The following ERC2 variants were observed in gnomAD, a reference collection of about 807,000 sequenced individuals.
The protein encoded by ERC2 is ERC protein 2.
ERC2 carries 42 observed loss-of-function variants against 114.8 expected under a neutral mutation model. That is an observed-to-expected ratio of 0.37 (90% CI 0.29 to 0.47). The LOEUF (loss-of-function observed/expected upper bound fraction) is 0.47, where lower values mean the gene tolerates loss of function less well. Among genes scored for constraint, ERC2 ranks in the 20% least tolerant of loss-of-function variants. ERC2 has a pLI of 0.99. For synonymous variants in ERC2, 454 were observed against 425.5 expected, an observed-to-expected ratio of 1.07 and a Z score of -0.82; for missense variants, 939 against 1,150.7, an observed-to-expected ratio of 0.82 and a Z score of 2.66.
intron 14 of ERC2, among the ~76,000 whole-genome samples, chr3:55,828,152 C>T (rs1320997253): frequency 6.6e-6 from 1 of 152,224 alleles, no homozygotes; most frequent in East Asian, 1.9e-4. Flanking sequence ...TGCACAATGG[C>T]AGGCAGCATT....
chr3:56,115,394 A>G (rs932841212), intron 6 of ERC2, among the ~76,000 whole-genome samples: 4 of 152,044 alleles, frequency 2.6e-5, no homozygotes, highest in African/African-American at 9.7e-5. Context: ...AGGGCTAACC[A>G]TAGGGTTGGT....
chr3:56,060,715 C>T (rs1335633090), intron 7 of ERC2, among the ~76,000 whole-genome samples: 1 of 152,206 alleles, frequency 6.6e-6, no homozygotes, highest in Admixed American at 6.5e-5. Context: ...TTGATCCCAA[C>T]ATCGTCCCAA....
chr3:56,275,453 T>C (rs946865732), intron 3 of ERC2, among the ~76,000 whole-genome samples: 1 of 152,194 alleles, frequency 6.6e-6, no homozygotes, highest in Admixed American at 6.5e-5. Flanking sequence ...CTTAGTCCCA[T>C]TTTAACAGAG....
chr3:55,952,174 C>CTATATATAT (rs1171234318), intron 12 of ERC2, among the ~76,000 whole-genome samples: 1 of 55,024 alleles, frequency 1.8e-5, no homozygotes, highest in African/African-American at 5.7e-5. Flanking sequence ...CACACACACA[C>CTATATATAT]ACACACTCTC....
chr3:56,361,698 T>C (rs1010147647), intron 2 of ERC2, among the ~76,000 whole-genome samples: 1 of 152,196 alleles, frequency 6.6e-6, no homozygotes, highest in Non-Finnish European at 1.5e-5. Flanking sequence ...TCAGGCACCA[T>C]CAGTAAGAGC....
intron 2 of ERC2, among the ~76,000 whole-genome samples, chr3:56,394,528 A>G (rs2060236575): frequency 6.6e-6 from 1 of 152,200 alleles, no homozygotes; most frequent in African/African-American, 2.4e-5. Flanking sequence ...TTAAAAGACA[A>G]ATAATCCAAT....
chr3:55,616,762 A>T (rs2059138316), intron 17 of ERC2, among the ~76,000 whole-genome samples: 1 of 152,052 alleles, frequency 6.6e-6, no homozygotes, highest in Non-Finnish European at 1.5e-5. Flanking sequence ...GAGATTAGAG[A>T]GGAAATTCAA....
At chr3:56,420,869 C>T (rs9826050) in intron 2 of ERC2, among the ~76,000 whole-genome samples, 1 of 151,010 alleles carries the variant, frequency 6.6e-6, no homozygotes, top group Non-Finnish European at 1.5e-5. Context: ...CGCACTCCAG[C>T]CTGGGCGACA....
At chr3:55,625,927 A>T (rs114179929) in intron 17 of ERC2, among the ~76,000 whole-genome samples, 2,493 of 152,308 alleles carry the variant, frequency 0.016, 32 homozygotes, top group Middle Eastern at 0.031. Context: ...CTGTATTTCT[A>T]CAGGAGGTTT....
intron 3 of ERC2, among the ~76,000 whole-genome samples, chr3:56,257,995 T>C (rs1235574878): frequency 6.6e-6 from 1 of 152,172 alleles, no homozygotes; most frequent in Non-Finnish European, 1.5e-5. Flanking sequence ...ACCGGCAGCT[T>C]ATACACAATT....
rs527801835 is a variant in ERC2 at position 55,862,423 on chromosome 3, T to C, written c.2564+25966A>G. Among the ~76,000 whole-genome samples the C allele has an allele frequency of 7.2e-5, 11 of 152,188 alleles. No individual in the cohort carries two copies. The East Asian group carries it at 1.9e-3, about 27-fold the overall frequency. On this transcript the variant is annotated intron_variant, in intron 14 of 17. Transcript: ENST00000288221. The stretch of plus-strand genomic sequence containing the variant: ...ATTTGGCACTTATACTTCCTCCCGT[T>C]GGGACACAGATGTGATGGCTAGAGC...
At chr3:55,588,624 C>G (rs928929265) in intron 17 of ERC2, among the ~76,000 whole-genome samples, 4 of 152,290 alleles carry the variant, frequency 2.6e-5, no homozygotes, top group African/African-American at 9.6e-5. Context: ...CTCTTAGCAC[C>G]TCTGTGTTAG....
intron 12 of ERC2, among the ~76,000 whole-genome samples, chr3:55,983,371 C>G (rs914413002): frequency 6.6e-6 from 1 of 152,154 alleles, no homozygotes; most frequent in Admixed American, 6.5e-5. Flanking sequence ...AAAAGTTTCA[C>G]GTAAACCCTC....
chr3:55,527,206 C>T (rs1390308586), intron 17 of ERC2, among the ~76,000 whole-genome samples: 1 of 152,224 alleles, frequency 6.6e-6, no homozygotes, highest in African/African-American at 2.4e-5. Context: ...GAACAAGAAA[C>T]TGCACTTTTC....
At chr3:56,061,552 A>C (rs2076246298) in intron 7 of ERC2, among the ~76,000 whole-genome samples, 1 of 152,224 alleles carries the variant, frequency 6.6e-6, no homozygotes, top group African/African-American at 2.4e-5. Flanking sequence ...AATTATTCAA[A>C]GAAAAAAATA....
intron 2 of ERC2, among the ~76,000 whole-genome samples, chr3:56,315,582 T>C (rs1576400920): frequency 6.6e-6 from 1 of 152,268 alleles, no homozygotes; most frequent in Non-Finnish European, 1.5e-5. Context: ...CCTAAGCACA[T>C]AGATATATTT....
chr3:55,570,882 C>T (rs1559672601), intron 17 of ERC2, among the ~76,000 whole-genome samples: 1 of 152,096 alleles, frequency 6.6e-6, no homozygotes, highest in Non-Finnish European at 1.5e-5. Flanking sequence ...AATCCCAGCA[C>T]TTTGGGAGGC....
chr3:55,794,561 A>C (rs1035819065), intron 14 of ERC2, among the ~76,000 whole-genome samples: 1 of 152,212 alleles, frequency 6.6e-6, no homozygotes, highest in Non-Finnish European at 1.5e-5. Context: ...AAAGTAAAAA[A>C]TACAAGAGAT....
At chr3:55,847,480 T>A (rs1316870643) in intron 14 of ERC2, among the ~76,000 whole-genome samples, 1 of 152,160 alleles carries the variant, frequency 6.6e-6, no homozygotes, top group Non-Finnish European at 1.5e-5. Context: ...CAGGGAGTAG[T>A]TGAATAAATC....
Sources: allele counts gnomAD v4.1 joint callset (sites outside exome capture counted in the v4.1 genomes callset), GRCh38; gene constraint gnomAD v4.1.1; transcripts MANE v1.5; gene names NCBI Gene and HGNC (gene_info 2026-07-23, HGNC 2026-07-21).